The following RBFOX1 variants were observed in gnomAD, a reference collection of about 807,000 sequenced individuals.
The protein encoded by RBFOX1 is RNA binding protein fox-1 homolog 1.
Under a neutral mutation model 57.7 loss-of-function variants are expected in RBFOX1, and 8 were observed. The observed-to-expected ratio is 0.14, with a 90% CI of 0.08 to 0.25. RBFOX1 has a LOEUF of 0.25. Ranked by LOEUF, RBFOX1 falls within the 10% of genes least tolerant of loss-of-function variation. The pLI, the probability that RBFOX1 is intolerant of heterozygous loss-of-function variation, is 1.00. For missense variants in RBFOX1, 611 were observed against 548.5 expected, an observed-to-expected ratio of 1.11 and a Z score of -1.14; for synonymous variants, 326 against 222.4, an observed-to-expected ratio of 1.47 and a Z score of -4.15.
chr16:6,217,174 C>CTTTTTT (rs71142697), intron 1 of RBFOX1, among the ~76,000 whole-genome samples: 1,884 of 118,180 alleles, frequency 0.016, 1 homozygote, highest in Non-Finnish European at 0.021. Context: ...TTAGGGGATT[C>CTTTTTT]TTTTTTTTTT....
chr16:6,908,522 C>G (rs1436647629), intron 3 of RBFOX1, among the ~76,000 whole-genome samples: 3 of 152,186 alleles, frequency 2.0e-5, no homozygotes, highest in African/African-American at 7.2e-5. Flanking sequence ...TGACAACTCA[C>G]TTATCAGGTT....
Position 6,635,540 on chromosome 16 carries a change from C to G in RBFOX1, c.-63-19063C>G, listed in dbSNP as rs151104477. ...GATTCAGCAGGAGGAGACAGTGAGC[C>G]AAGTTTCTGGAAAATAAAAAGAGGT... On this transcript the variant is annotated intron_variant, in intron 2 of 15. Coordinates refer to ENST00000550418, the MANE Select transcript of RBFOX1 (RefSeq NM_018723.4). Among the ~76,000 whole-genome samples, 20 of 151,982 alleles carry G rather than the reference C, an allele frequency of 1.3e-4. No homozygotes were observed. The East Asian group carries it at 1.5e-3, about 12-fold the overall frequency.
intron 2 of RBFOX1, among the ~76,000 whole-genome samples, chr16:6,392,309 A>G (rs2092640235): frequency 6.6e-6 from 1 of 152,218 alleles, no homozygotes; most frequent in Non-Finnish European, 1.5e-5. Flanking sequence ...AAGCATCTGT[A>G]GTAAGAATAT....
chr16:6,882,461 G>T (rs1419628093), intron 3 of RBFOX1, among the ~76,000 whole-genome samples: 1 of 152,072 alleles, frequency 6.6e-6, no homozygotes, highest in Non-Finnish European at 1.5e-5. Flanking sequence ...GGGCATGGTG[G>T]TACGTGCTTG....
At chr16:6,144,325 G>C (rs2152708048) in intron 1 of RBFOX1, among the ~76,000 whole-genome samples, 1 of 152,052 alleles carries the variant, frequency 6.6e-6, no homozygotes, top group Admixed American at 6.5e-5. Context: ...GCAAATTTAG[G>C]GTACCATTTT....
At chr16:5,364,922 A>G (rs1256604003) in intron 1 of RBFOX1, among the ~76,000 whole-genome samples, 12 of 152,106 alleles carry the variant, frequency 7.9e-5, no homozygotes, top group Admixed American at 7.9e-4. Context: ...GCTGGACAGT[A>G]GGGTCGCCTA....
chr16:7,163,113 C>T (rs904634469), intron 4 of RBFOX1, among the ~76,000 whole-genome samples: 1 of 152,170 alleles, frequency 6.6e-6, no homozygotes. Flanking sequence ...TCCTAAGTTA[C>T]TGAATGCATC....
At chr16:7,436,338 G>A (rs1598383659) in intron 4 of RBFOX1, among the ~76,000 whole-genome samples, 1 of 152,134 alleles carries the variant, frequency 6.6e-6, no homozygotes, top group East Asian at 1.9e-4. Context: ...ACTGTGGTAG[G>A]CAAACTTGGA....
At chr16:7,427,591 ACT>A (rs1031825282) in intron 4 of RBFOX1, among the ~76,000 whole-genome samples, 4 of 140,736 alleles carry the variant, frequency 2.8e-5, no homozygotes, top group South Asian at 2.4e-4. Flanking sequence ...AGCTAATTTA[ACT>A]CTTTCTTTCT....
At chr16:7,059,410 G>GA (rs1180311592) in intron 4 of RBFOX1, among the ~76,000 whole-genome samples, 1 of 152,140 alleles carries the variant, frequency 6.6e-6, no homozygotes, top group Non-Finnish European at 1.5e-5. Flanking sequence ...TTTTTGAGCA[G>GA]AAACCGTATG....
At chr16:6,461,637 C>T (rs533866563) in intron 2 of RBFOX1, among the ~76,000 whole-genome samples, 1 of 152,184 alleles carries the variant, frequency 6.6e-6, no homozygotes, top group African/African-American at 2.4e-5. Flanking sequence ...CTAAGAATGG[C>T]TTATGTCTCC....
intron 3 of RBFOX1, among the ~76,000 whole-genome samples, chr16:6,680,781 C>T (rs1311476695): frequency 6.6e-6 from 1 of 152,136 alleles, no homozygotes; most frequent in East Asian, 1.9e-4. Context: ...AGATGGGCAC[C>T]TAACTTTGCA....
intron 9 of RBFOX1, among the ~76,000 whole-genome samples, chr16:7,603,549 C>T (rs1371058078): frequency 6.6e-6 from 1 of 152,148 alleles, no homozygotes; most frequent in Non-Finnish European, 1.5e-5. Context: ...GTGACATTAA[C>T]TGGCATGTTC....
chr16:7,386,776 A>G (rs2097890165), intron 4 of RBFOX1, among the ~76,000 whole-genome samples: 2 of 152,198 alleles, frequency 1.3e-5, no homozygotes, highest in Non-Finnish European at 2.9e-5. Context: ...TGGTATTTCT[A>G]GTTCTATATC....
At chr16:6,908,219 G>T (rs916656085) in intron 3 of RBFOX1, among the ~76,000 whole-genome samples, 4 of 151,630 alleles carry the variant, frequency 2.6e-5, no homozygotes, top group South Asian at 4.2e-4. Context: ...GCATTGTGTT[G>T]CCTGAGATCT....
chr16:5,412,413 A>C (rs1270416524), intron 1 of RBFOX1, among the ~76,000 whole-genome samples: 1 of 152,212 alleles, frequency 6.6e-6, no homozygotes, highest in Non-Finnish European at 1.5e-5. Flanking sequence ...TGATATGATT[A>C]TGGGCTCGTG....
At chr16:5,712,184 A>G (rs116316128) in intron 3 of RBFOX1, among the ~76,000 whole-genome samples, 1,955 of 152,188 alleles carry the variant, frequency 0.013, 53 homozygotes, top group African/African-American at 0.044. Context: ...TGATCCAATC[A>G]CCTTCCACCA....
intron 2 of RBFOX1, among the ~76,000 whole-genome samples, chr16:6,321,457 G>T (rs983142198): frequency 3.5e-4 from 54 of 152,158 alleles, no homozygotes; most frequent in African/African-American, 1.2e-3. Flanking sequence ...ATTCCCTGCT[G>T]TTCCATATGT....
rs529634184 is a variant in RBFOX1, at chr16:5,865,792, T to C, written c.319-1511T>C. Among the ~76,000 whole-genome samples, 9 of 151,960 alleles carry C rather than the reference T, an allele frequency of 5.9e-5. No homozygotes were observed. The South Asian group carries it at 1.7e-3, about 28-fold the overall frequency. On this transcript the variant is annotated intron_variant, in intron 3 of 19. Transcript: ENST00000641259. The stretch of plus-strand genomic sequence containing the variant: ...TTTCTCATACTCTGGAGCCTGAGAG[T>C]TCAAGATGAAGGTACCAGCAGACTC...
Sources: allele counts gnomAD v4.1 joint callset (sites outside exome capture counted in the v4.1 genomes callset), GRCh38; gene constraint gnomAD v4.1.1; transcripts MANE v1.5; gene names NCBI Gene and HGNC (gene_info 2026-07-23, HGNC 2026-07-21).